CEP128: variants seen among roughly 807,000 people sequenced by gnomAD.
CEP128 encodes the protein centrosomal protein 128kDa.
Under a neutral mutation model 156.7 loss-of-function variants are expected in CEP128, and 132 were observed. That is an observed-to-expected ratio of 0.84 (90% CI 0.73 to 0.97). The LOEUF is 0.97. Among genes scored for constraint, CEP128 ranks in the 50% least tolerant of loss-of-function variants. The pLI is 0.00. For missense variants in CEP128, 1,252 were observed against 1,281.9 expected (o/e 0.98, Z 0.36); for synonymous variants, 469 against 448.9 (o/e 1.04, Z -0.57).
chr14:80,573,550 C>T (rs1249939551), intron 20 of CEP128, among the ~76,000 whole-genome samples: 1 of 152,170 alleles, frequency 6.6e-6, no homozygotes, highest in East Asian at 1.9e-4. Context: ...TTTATACTGT[C>T]ATAAATTTGG....
chr14:80,665,693 T>C (rs772767736), intron 19 of CEP128, among the ~76,000 whole-genome samples: 15 of 151,926 alleles, frequency 9.9e-5, no homozygotes, highest in Non-Finnish European at 1.9e-4. Flanking sequence ...GAGAAATTTA[T>C]AGAGACAGGC....
chr14:80,873,930 A>G (rs1453825731), intron 8 of CEP128, among the ~76,000 whole-genome samples: 5 of 152,182 alleles, frequency 3.3e-5, no homozygotes, highest in Admixed American at 6.5e-5. Context: ...GCTGTCATCC[A>G]TGTAAGACCT....
chr14:80,632,327 T>C (rs1366027788), intron 19 of CEP128, among the ~76,000 whole-genome samples: 2 of 150,624 alleles, frequency 1.3e-5, no homozygotes, highest in Non-Finnish European at 3.0e-5. Context: ...CATAATACTA[T>C]TGAGACTTTA....
intron 19 of CEP128, among the ~76,000 whole-genome samples, chr14:80,732,400 T>C (rs1898315179): frequency 1.3e-5 from 2 of 151,308 alleles, no homozygotes; most frequent in Non-Finnish European, 2.9e-5. Context: ...ACCACTGAGG[T>C]TTCTAAGCTG....
chr14:80,844,581 C>G (rs1310260896), intron 9 of CEP128, among the ~76,000 whole-genome samples: 2 of 152,052 alleles, frequency 1.3e-5, no homozygotes, highest in Non-Finnish European at 2.9e-5. Flanking sequence ...AACAATTCCT[C>G]TTTTTCAAAA....
chr14:80,857,757 A>C (rs1176852896), intron 9 of CEP128, among the ~76,000 whole-genome samples: 1 of 138,068 alleles, frequency 7.2e-6, no homozygotes, highest in Non-Finnish European at 1.7e-5. Flanking sequence ...CAACAACAAC[A>C]ACAACAACAA....
chr14:80,693,787 G>A (rs189204811), intron 19 of CEP128, among the ~76,000 whole-genome samples: 64 of 152,246 alleles, frequency 4.2e-4, no homozygotes, highest in African/African-American at 1.5e-3. Flanking sequence ...CTCTTAGCTA[G>A]ATCACCATGA....
At chr14:80,841,075 C>A (rs1886328134) in intron 9 of CEP128, among the ~76,000 whole-genome samples, 1 of 152,030 alleles carries the variant, frequency 6.6e-6, no homozygotes, top group African/African-American at 2.4e-5. Context: ...AGATTCCCCT[C>A]TTTAATAAAA....
Position 80,497,281 on chromosome 14 carries a change from T to C in CEP128, c.*198A>G. The C allele has an allele frequency of 2.0e-6, 1 of 504,292 alleles. No individual in the cohort carries two copies. The highest frequency in any genetic ancestry group is 3.2e-5 in the South Asian group (1 of 31,342). The allele number at this position is 504,292 out of a possible 1,614,324, so 31.2% of individuals were successfully genotyped here. ...TTGCAAATAAATTAGCTGCACATCATTCATGATCTGATATTATTTGGATTG... is the reference window on the plus strand; with the variant it reads ...TTGCAAATAAATTAGCTGCACATCACTCATGATCTGATATTATTTGGATTG... On this transcript the variant is annotated 3_prime_UTR_variant, in exon 25 of 25. Transcript: ENST00000555265.
At chr14:80,563,748 G>A (rs7149118) in intron 20 of CEP128, among the ~76,000 whole-genome samples, 24,814 of 151,738 alleles carry the variant, frequency 0.16, 2,276 homozygotes, top group East Asian at 0.19. Context: ...TGTTAGCAAA[G>A]ATGGTCTTGA....
intron 20 of CEP128, among the ~76,000 whole-genome samples, chr14:80,573,611 T>G (rs1456858411): frequency 6.6e-6 from 1 of 152,198 alleles, no homozygotes; most frequent in Admixed American, 6.5e-5. Context: ...CAAGGTTTAA[T>G]GAGCACTACA....
downstream of CEP128, among the ~76,000 whole-genome samples, chr14:80,489,025 C>T (rs1887237693): frequency 6.6e-6 from 1 of 151,336 alleles, no homozygotes; most frequent in Middle Eastern, 3.4e-3. Flanking sequence ...AGGAGATATA[C>T]CTAATGCTAA....
At chr14:80,738,766 G>T (rs552436431) in intron 19 of CEP128, among the ~76,000 whole-genome samples, 51 of 152,188 alleles carry the variant, frequency 3.4e-4, no homozygotes, top group Non-Finnish European at 4.3e-4. Context: ...AGGTTTGTAT[G>T]TATAGGAAAA....
intron 19 of CEP128, among the ~76,000 whole-genome samples, chr14:80,609,626 T>C (rs1892916553): frequency 1.3e-5 from 2 of 152,074 alleles, no homozygotes; most frequent in South Asian, 2.1e-4. Context: ...CTGAACCACA[T>C]GGAAATAAAA....
chr14:80,642,195 G>A (rs1418645192), intron 19 of CEP128, among the ~76,000 whole-genome samples: 3 of 151,982 alleles, frequency 2.0e-5, no homozygotes, highest in Non-Finnish European at 4.4e-5. Context: ...AGAGGGGACT[G>A]ACAAGAAGCA....
chr14:80,928,535 A>C (rs2139570720), intron 2 of CEP128, among the ~76,000 whole-genome samples: 1 of 152,316 alleles, frequency 6.6e-6, no homozygotes, highest in South Asian at 2.1e-4. Flanking sequence ...TAGACCAAGA[A>C]GAAAAAAGAA....
intron 8 of CEP128, among the ~76,000 whole-genome samples, chr14:80,879,718 G>A (rs1426775413): frequency 6.6e-6 from 1 of 152,106 alleles, no homozygotes; most frequent in African/African-American, 2.4e-5. Flanking sequence ...TTCACATTAT[G>A]GGAATTTCAT....
chr14:80,624,446 G>A (rs909228464), intron 19 of CEP128, among the ~76,000 whole-genome samples: 3 of 152,136 alleles, frequency 2.0e-5, no homozygotes, highest in Admixed American at 1.3e-4. Flanking sequence ...ATACTCAGTA[G>A]TGGGATTGCT....
At chr14:80,497,676 G>T in intron 24 of CEP128, 94 bp from the exon 25 acceptor site, 2 of 748,952 alleles carry the variant, frequency 2.7e-6, no homozygotes, top group Non-Finnish European at 4.5e-6. Context: ...ATGTATCATG[G>T]TATTTGATCG....
Sources: allele counts gnomAD v4.1 joint callset (sites outside exome capture counted in the v4.1 genomes callset), GRCh38; gene constraint gnomAD v4.1.1; transcripts MANE v1.5; gene names NCBI Gene and HGNC (gene_info 2026-07-23, HGNC 2026-07-21).